LTF: variants seen among roughly 807,000 people sequenced by gnomAD.
The protein encoded by LTF is epididymis luminal protein 110.
In LTF, 91 loss-of-function variants were observed where a neutral mutation model predicts 87.2. The ratio of observed to expected loss-of-function variants is 1.04; its 90% CI spans 0.88 to 1.24. The LOEUF (loss-of-function observed/expected upper bound fraction) is 1.24, where lower values mean the gene tolerates loss of function less well. LTF is among the 50% of genes most tolerant of loss of function. The probability of loss-of-function intolerance (pLI) is 0.00; values close to 1 mark genes in which losing one functional copy is unlikely to be tolerated. For missense variants in LTF, 901 were observed against 904.3 expected, an observed-to-expected ratio of 1.00 and a Z score of 0.05; for synonymous variants, 378 against 356.1, an observed-to-expected ratio of 1.06 and a Z score of -0.69.
upstream of LTF, chr3:46,464,947 C>T (rs952533204): frequency 6.8e-7 from 1 of 1,464,150 alleles, no homozygotes. Flanking sequence ...CAGGGCTTTG[C>T]CCCGCCCTGT....
At chr3:46,478,816 C>A (rs556918088) in intron 1 of LTF, among the ~76,000 whole-genome samples, 63 of 152,332 alleles carry the variant, frequency 4.1e-4, no homozygotes, top group Non-Finnish European at 8.8e-4. Flanking sequence ...CCAAGAAAAT[C>A]AGACACTCTC....
At chr3:46,459,635 C>T in intron 2 of LTF, 21 bp downstream of exon 2, 1 of 1,409,320 alleles carries the variant, frequency 7.1e-7, no homozygotes, top group Non-Finnish European at 9.3e-7. Flanking sequence ...TGGTCCCAAC[C>T]AACACCCGGC....
intron 16 of LTF, 71 bp downstream of exon 16, chr3:46,437,869 G>T: frequency 8.5e-7 from 1 of 1,174,256 alleles, no homozygotes. Flanking sequence ...TTCCTAGAAT[G>T]CTGTTTGGCC....
At chr3:46,447,491 G>A in intron 9 of LTF, 93 bp from the exon 10 acceptor site, 1 of 876,334 alleles carries the variant, frequency 1.1e-6, no homozygotes, top group Admixed American at 1.7e-5. Flanking sequence ...TTTTCTGTCA[G>A]GTGACCAGTG....
intron 3 of LTF, 61 bp from the exon 4 acceptor site, chr3:46,456,039 C>A: frequency 6.9e-7 from 1 of 1,444,652 alleles, no homozygotes. Flanking sequence ...AAAAACAACC[C>A]ATCCTGAAAA....
At chr3:46,466,112 T>A (rs1703207834), upstream of LTF, among the ~76,000 whole-genome samples, 1 of 152,040 alleles carries the variant, frequency 6.6e-6, no homozygotes, top group Admixed American at 6.6e-5. Context: ...TGGTGGTGTA[T>A]GCCTATGGTC....
intron 14 of LTF, 110 bp downstream of exon 14, chr3:46,441,306 C>T (rs942708291): frequency 6.3e-6 from 5 of 793,548 alleles, no homozygotes; most frequent in Non-Finnish European, 1.0e-5. Flanking sequence ...CTTTTAATCA[C>T]AAATATGGAA....
chr3:46,450,176 C>G, intron 7 of LTF, 148 bp from the exon 8 acceptor site: 1 of 702,068 alleles, frequency 1.4e-6, no homozygotes, highest in Non-Finnish European at 2.3e-6. Flanking sequence ...GGGACTTGTG[C>G]CATCTCGGAG....
chr3:46,450,475 A>G lies in LTF; in HGVS notation c.882+20T>C, dbSNP rs1464405516. 3 of 1,593,234 alleles carry G rather than the reference A, an allele frequency of 1.9e-6. No homozygotes were observed. Among genetic ancestry groups the G allele is most frequent in the African/African-American group, 1.3e-5 (1 of 74,638 alleles). On this transcript the variant is annotated intron_variant, in intron 7 of 16. Coordinates refer to ENST00000231751, the MANE Select transcript of LTF (RefSeq NM_002343.6). ...GCCCCCCATATCCAAGCAAGTGGGG[A>G]GGACCGTGGGTGAAGATACCTGTGC...
intron 12 of LTF, 97 bp downstream of exon 12, chr3:46,445,184 G>T: frequency 7.8e-7 from 1 of 1,275,360 alleles, no homozygotes; most frequent in Non-Finnish European, 1.1e-6. Context: ...GCCACTATCA[G>T]CCTGCAAATC....
intron 1 of LTF, among the ~76,000 whole-genome samples, chr3:46,475,409 A>T (rs772277519): frequency 6.6e-6 from 1 of 152,144 alleles, no homozygotes; most frequent in Non-Finnish European, 1.5e-5. Flanking sequence ...AATACATTCC[A>T]TGAGGCCCGT....
At chr3:46,473,024 G>GCATTCAGT (rs1330205953) in intron 1 of LTF, among the ~76,000 whole-genome samples, 1 of 152,050 alleles carries the variant, frequency 6.6e-6, no homozygotes, top group Non-Finnish European at 1.5e-5. Flanking sequence ...GGGCCCAGAT[G>GCATTCAGT]CATTCAGTTC....
intron 6 of LTF, among the ~76,000 whole-genome samples, chr3:46,453,673 T>G (rs1702855531): frequency 6.6e-6 from 1 of 152,216 alleles, no homozygotes; most frequent in Non-Finnish European, 1.5e-5. Context: ...TAGTCCTGGG[T>G]GCAGTGTGTT....
chr3:46,450,928 G>C (rs561289325), intron 6 of LTF, among the ~76,000 whole-genome samples: 2 of 152,292 alleles, frequency 1.3e-5, no homozygotes, highest in South Asian at 4.1e-4. Context: ...TGCAGCTGCT[G>C]CCTGGCAGGC....
chr3:46,461,043 A>G lies in LTF; in HGVS notation c.44-1224T>C, dbSNP rs533665560. Among the ~76,000 whole-genome samples, 3 of 152,396 alleles carry G rather than the reference A, an allele frequency of 2.0e-5. No individual in the cohort carries two copies. In the South Asian group the frequency reaches 6.2e-4, roughly 32 times the overall value. The stretch of plus-strand genomic sequence containing the variant: ...ACCAAAGAAGATATATGAATGGACA[A>G]TAAGCACATGAAAAGTGCTCAATAT... On this transcript the variant is annotated intron_variant, in intron 1 of 16. Transcript: ENST00000231751.
chr3:46,449,341 G>A (rs984581738), intron 8 of LTF, among the ~76,000 whole-genome samples: 1 of 152,210 alleles, frequency 6.6e-6, no homozygotes, highest in East Asian at 1.9e-4. Flanking sequence ...ACCAGTGACA[G>A]TCCCAAGAGA....
At chr3:46,440,053 T>G (rs909451172) in intron 14 of LTF, among the ~76,000 whole-genome samples, 1 of 152,236 alleles carries the variant, frequency 6.6e-6, no homozygotes, top group Non-Finnish European at 1.5e-5. Context: ...TGCAAGGGTT[T>G]CTTTATGGGA....
upstream of LTF, among the ~76,000 whole-genome samples, chr3:46,465,859 G>T (rs1703201000): frequency 6.6e-6 from 1 of 152,194 alleles, no homozygotes; most frequent in Non-Finnish European, 1.5e-5. Flanking sequence ...CCATCTCTAG[G>T]GGAGTGTCAC....
chr3:46,474,900 A>T lies in LTF; in HGVS notation c.-319-4434T>A, dbSNP rs554013272. 3.3e-5 allele frequency among the ~76,000 whole-genome samples: 5 copies of T among 152,302 alleles called. No homozygotes were observed. In the South Asian group the frequency reaches 8.3e-4, roughly 25 times the overall value. On this transcript the variant is annotated intron_variant, in intron 1 of 19. Coordinates refer to the LTF transcript ENST00000443496. The stretch of plus-strand genomic sequence containing the variant: ...AGTAAAACTTTTTTCAAATACACTG[A>T]ACTTAATGAGAATGAAAATACAGCA...
Sources: allele counts gnomAD v4.1 joint callset (sites outside exome capture counted in the v4.1 genomes callset), GRCh38; gene constraint gnomAD v4.1.1; transcripts MANE v1.5; gene names NCBI Gene and HGNC (gene_info 2026-07-23, HGNC 2026-07-21).